The following ITPR3 variants were observed in gnomAD, a reference collection of about 807,000 sequenced individuals.
The protein encoded by ITPR3 is inositol 1,4,5-trisphosphate-gated calcium channel ITPR3.
A neutral mutation model predicts 293.2 loss-of-function variants in ITPR3; 173 were observed. The observed-to-expected ratio is 0.59, with a 90% CI of 0.52 to 0.67. The LOEUF (loss-of-function observed/expected upper bound fraction) is 0.67. Among genes scored for constraint, ITPR3 ranks in the 30% least tolerant of loss-of-function variants. The pLI is 0.00. For synonymous variants in ITPR3, 1,295 were observed against 1,444.4 expected (o/e 0.90, Z 2.35); for missense variants, 2,796 against 3,592.1 (o/e 0.78, Z 5.66).
Position 33,659,062 on chromosome 6 carries a change from C to T in ITPR3, c.570C>T (p.Ala190=), listed in dbSNP as rs765301553. ...GDKVILNPVN[A]GQPLHASNYE... Reference sequence around the variant, plus strand: ...AGGTGATCCTGAATCCTGTCAATGCCGGGCAGCCTCTGCATGCCAGCAATT... The same window carrying T: ...AGGTGATCCTGAATCCTGTCAATGCTGGGCAGCCTCTGCATGCCAGCAATT... The change falls in exon 6 of 58, where the codon GCC becomes GCT. Residue 190 remains alanine (A), a synonymous_variant. Coordinates refer to ENST00000605930, the MANE Select transcript of ITPR3 (RefSeq NM_002224.4). The T allele has an allele frequency of 6.1e-5, 98 of 1,613,950 alleles. No homozygotes were observed. The highest frequency in any genetic ancestry group is 7.7e-5 in the South Asian group (7 of 91,074).
chr6:33,666,088 A>C lies in ITPR3; in HGVS notation c.1551+112A>C. On this transcript the variant is annotated intron_variant, in intron 14 of 57. Coordinates refer to ENST00000605930, the MANE Select transcript of ITPR3 (RefSeq NM_002224.4). The surrounding 1 kb of genome is among the most constrained non-coding windows in gnomAD (Gnocchi z 5.1). ...CAAAAATCAGTATATATGGGGCACG[A>C]CCACGTGCCAGGGACTTCCCTAAGT... The C allele has an allele frequency of 2.4e-6, 3 of 1,269,242 alleles. No individual in the cohort carries two copies. Among genetic ancestry groups the C allele is most frequent in the Non-Finnish European group, 3.2e-6 (3 of 930,882 alleles). 78.6% of individuals were successfully genotyped at this position (1,269,242 alleles called of 1,614,324 possible).
At chr6:33,639,415 C>T (rs1253461518) in intron 1 of ITPR3, among the ~76,000 whole-genome samples, 1 of 151,338 alleles carries the variant, frequency 6.6e-6, no homozygotes, top group Non-Finnish European at 1.5e-5. Context: ...CCTTGTTAAC[C>T]AACCCAGGGA....
rs200227346 is a variant in ITPR3 at position 33,621,708 on chromosome 6, C to G, written c.89+17C>G. ...CACTTTGGGGTGAGTGAGCCGAGCT[C>G]GAGAGGGGCGCGGGTAAAGAGGGGG... On this transcript the variant is annotated intron_variant, in intron 1 of 57. Coordinates refer to ENST00000605930, the MANE Select transcript of ITPR3 (RefSeq NM_002224.4). This position sits in a 1 kb window ranked among gnomAD's most constrained non-coding sequence, Gnocchi z 7.7. 1.3e-6 allele frequency: 2 copies of G among 1,582,266 alleles called. No individual in the cohort carries two copies. Among genetic ancestry groups the G allele is most frequent in the Non-Finnish European group, 1.7e-6 (2 of 1,161,930 alleles).
intron 50 of ITPR3, 99 bp downstream of exon 50, chr6:33,689,509 C>T (rs1016025039): frequency 4.6e-5 from 61 of 1,330,126 alleles, no homozygotes; most frequent in Middle Eastern, 1.8e-4. Flanking sequence ...ACTGCTCTGT[C>T]CCATCCCCTC....
intron 2 of ITPR3, among the ~76,000 whole-genome samples, chr6:33,651,276 C>CAAAAA (rs11284603): frequency 9.7e-6 from 1 of 103,172 alleles, no homozygotes; most frequent in Non-Finnish European, 1.9e-5. Context: ...GACTCCGTCT[C>CAAAAA]AAAAAAAAAA....
intron 2 of ITPR3, among the ~76,000 whole-genome samples, chr6:33,648,554 A>G (rs1554135598): frequency 6.7e-6 from 1 of 148,630 alleles, no homozygotes; most frequent in African/African-American, 2.5e-5. Context: ...TTTCTTCCTC[A>G]TTCTGTCAAT....
intron 50 of ITPR3, 76 bp from the exon 51 acceptor site, chr6:33,689,958 G>T (rs1765344886): frequency 1.9e-6 from 3 of 1,544,542 alleles, no homozygotes; most frequent in Admixed American, 3.4e-5. Context: ...GCTCTGAGCT[G>T]GGCACTGGGG....
intron 1 of ITPR3, among the ~76,000 whole-genome samples, chr6:33,627,313 T>A (rs1182574758): frequency 6.6e-6 from 1 of 152,222 alleles, no homozygotes; most frequent in Non-Finnish European, 1.5e-5. Context: ...ATGGCTTACA[T>A]GAACATTCCC....
chr6:33,663,381 G>C (rs145998146), intron 9 of ITPR3, 119 bp from the exon 10 acceptor site: 10 of 223,486 alleles, frequency 4.5e-5, no homozygotes, highest in Admixed American at 3.0e-4. Context: ...GCACCCCTGG[G>C]AGGGTGCAGC....
At position 33,684,212 on chromosome 6, in the gene ITPR3, C is replaced by A; in HGVS notation, c.4937+44C>A. 6.2e-7 allele frequency: 1 copy of A among 1,603,634 alleles called. No individual in the cohort carries two copies. Among genetic ancestry groups the A allele is most frequent in the Non-Finnish European group, 8.5e-7 (1 of 1,176,432 alleles). On this transcript the variant is annotated intron_variant, in intron 36 of 57. Coordinates refer to ENST00000605930, the MANE Select transcript of ITPR3 (RefSeq NM_002224.4). This position sits in a 1 kb window ranked among gnomAD's most constrained non-coding sequence, Gnocchi z 4.2. The stretch of plus-strand genomic sequence containing the variant: ...CATGGGGGCAGCAGGGGTGCAGCGG[C>A]AGGGGACAGAGAAGGGCCCGGTGGG...
intron 57 of ITPR3, chr6:33,695,468 CCT>C: frequency 3.5e-6 from 2 of 576,902 alleles, no homozygotes; most frequent in South Asian, 2.2e-5. Flanking sequence ...GATGAGGCAG[CCT>C]CTGTTAGTGG....
chr6:33,694,939 T>C lies in ITPR3; in HGVS notation c.7801T>C (p.Trp2601Arg). The change falls in exon 57 of 58, where the codon TGG becomes CGG. Residue 2601 changes from tryptophan (W) to arginine (R), a missense_variant. Trp to Arg is a moderately radical substitution (Grantham distance 101, BLOSUM62 -3). Transcript: ENST00000605930. The part of the protein sequence containing the change: ...AQMIKNKNLD[W>R]FPRMRAMSLV... ...TGTTTTTCAGAACAAGAACCTGGAC[T>C]GGTTCCCCCGGATGCGGGCCATGTC... The C allele has an allele frequency of 6.2e-7, 1 of 1,614,132 alleles. No homozygotes were observed. Among genetic ancestry groups the C allele is most frequent in the Non-Finnish European group, 8.5e-7 (1 of 1,180,012 alleles).
chr6:33,625,655 G>A (rs558841584), intron 1 of ITPR3, among the ~76,000 whole-genome samples: 23 of 52,014 alleles, frequency 4.4e-4, no homozygotes, highest in Non-Finnish European at 7.5e-4. Context: ...CCCACCCATG[G>A]CTCAGCCTTG....
rs926146455 is a variant in ITPR3 at position 33,633,843 on chromosome 6, G to GGGGCCGGGCC, written c.90-6632_90-6623dup. On this transcript the variant is annotated intron_variant, in intron 1 of 57. Transcript: ENST00000605930. This position sits in a 1 kb window ranked among gnomAD's most constrained non-coding sequence, Gnocchi z 5.2. ...GGCGGGCGCGGGGCGGGCGCGGGGCGGGGCCGGGCCGGGCCGGGGCGGGGC... is the reference window on the plus strand; with the variant it reads ...GGCGGGCGCGGGGCGGGCGCGGGGCGGGGCCGGGCCGGGCCGGGCCGGGCCGGGGCGGGGC... Among the ~76,000 whole-genome samples the GGGGCCGGGCC allele has an allele frequency of 6.8e-6, 1 of 146,224 alleles. No homozygotes were observed. Among genetic ancestry groups the GGGGCCGGGCC allele is most frequent in the East Asian group, 2.0e-4 (1 of 5,056 alleles).
In ITPR3 at chr6:33,675,496, C is replaced by T. The variant is rs1033582697; in HGVS notation, c.3117-195C>T. On this transcript the variant is annotated intron_variant, in intron 24 of 57. Coordinates refer to ENST00000605930, the MANE Select transcript of ITPR3 (RefSeq NM_002224.4). This position sits in a 1 kb window ranked among gnomAD's most constrained non-coding sequence, Gnocchi z 5.0. Reference sequence around the variant, plus strand: ...GAGTCCCGAGAGATCCCAGGAGACACGGGTCACTCCGGAGATTCAGGGGAG... The same window carrying T: ...GAGTCCCGAGAGATCCCAGGAGACATGGGTCACTCCGGAGATTCAGGGGAG... Among the ~76,000 whole-genome samples the T allele has an allele frequency of 6.6e-6, 1 of 151,842 alleles. No individual in the cohort carries two copies. Among genetic ancestry groups the T allele is most frequent in the African/African-American group, 2.4e-5 (1 of 41,294 alleles).
In ITPR3 at chr6:33,655,999, GT is replaced by G; in HGVS notation, c.282+115del. ...AGGGGCTCTGTGGCTGAGCTGAGTGGTTTCTAAAACTCGTATGGGCGTGACA... is the reference window on the plus strand; with the variant it reads ...AGGGGCTCTGTGGCTGAGCTGAGTGGTTCTAAAACTCGTATGGGCGTGACA... On this transcript the variant is annotated intron_variant, in intron 3 of 57. Transcript: ENST00000605930. The surrounding 1 kb of genome is among the most constrained non-coding windows in gnomAD (Gnocchi z 4.9). 1 of 1,427,768 alleles carries G rather than the reference GT, an allele frequency of 7.0e-7. No homozygotes were observed. Among genetic ancestry groups the G allele is most frequent in the South Asian group, 1.3e-5 (1 of 79,060 alleles). The allele number at this position is 1,427,768 out of a possible 1,614,324, so 88.4% of individuals were successfully genotyped here.
Position 33,668,614 on chromosome 6 carries a change from T to C in ITPR3, c.1986T>C (p.Ser662=). 6.2e-7 allele frequency: 1 copy of C among 1,614,080 alleles called. No homozygotes were observed. The highest frequency in any genetic ancestry group is 8.5e-7 in the Non-Finnish European group (1 of 1,179,956). Residue 662 remains serine (S), a synonymous_variant, in exon 17 of 58, where the codon AGT becomes AGC. Transcript: ENST00000605930. ...ICKCVLDPKN[S]DILIRTELRP... is the part of the protein sequence containing the mutation. ...AGTGTGTGCTGGACCCCAAGAACAG[T>C]GACATTCTCATCCGGACCGAGTGAG...
chr6:33,637,193 G>T (rs911589099), intron 1 of ITPR3, among the ~76,000 whole-genome samples: 4 of 152,152 alleles, frequency 2.6e-5, no homozygotes, highest in Non-Finnish European at 5.9e-5. Context: ...CAGGTGGAAA[G>T]CTCAGTCCCC....
intron 27 of ITPR3, 92 bp from the exon 28 acceptor site, chr6:33,677,412 C>T (rs1291289193): frequency 1.3e-5 from 21 of 1,556,132 alleles, no homozygotes; most frequent in South Asian, 7.3e-5. Context: ...CTTCCTGTCC[C>T]GGGTGCCAGC....
Sources: allele counts gnomAD v4.1 joint callset (sites outside exome capture counted in the v4.1 genomes callset), GRCh38; gene constraint gnomAD v4.1.1; non-coding constraint Gnocchi (gnomAD v3.1); transcripts MANE v1.5; gene names NCBI Gene and HGNC (gene_info 2026-07-23, HGNC 2026-07-21).